Variants in C10orf67 observed in about 807,000 individuals in gnomAD.
C10orf67 encodes chromosome 10 open reading frame 67, also known as uncharacterized protein C10orf67, mitochondrial.
In C10orf67, 60 loss-of-function variants were observed where a neutral mutation model predicts 35.6. That is an observed-to-expected ratio of 1.68 (90% CI 1.37 to 2.09). The LOEUF (loss-of-function observed/expected upper bound fraction) is 2.09, where lower values mean the gene tolerates loss of function less well. Among genes scored for constraint, C10orf67 ranks in the 30% most tolerant of loss-of-function variants. C10orf67 has a pLI of 0.00. For missense variants in C10orf67, 474 were observed against 330.2 expected (o/e 1.44, Z -3.38); for synonymous variants, 167 against 115.8 (o/e 1.44, Z -2.84).
chr10:23,207,507 T>C (rs1364115372), intron 15 of C10orf67, among the ~76,000 whole-genome samples: 2 of 152,248 alleles, frequency 1.3e-5, no homozygotes, highest in African/African-American at 4.8e-5. Context: ...ATAGTTACCG[T>C]ATTCAGCCTT....
intron 1 of C10orf67, among the ~76,000 whole-genome samples, chr10:23,334,502 C>T (rs947018630): frequency 1.3e-5 from 2 of 152,214 alleles, no homozygotes; most frequent in African/African-American, 4.8e-5. Context: ...GAGAGCATAC[C>T]CCCATGCGGG....
intron 4 of C10orf67, among the ~76,000 whole-genome samples, chr10:23,306,547 A>G (rs1844290117): frequency 6.6e-6 from 1 of 151,802 alleles, no homozygotes; most frequent in South Asian, 2.1e-4. Context: ...AAAAAAAAAA[A>G]AAAAGAATGG....
At chr10:23,307,673 C>T (rs537297182) in intron 4 of C10orf67, among the ~76,000 whole-genome samples, 3 of 147,884 alleles carry the variant, frequency 2.0e-5, no homozygotes, top group East Asian at 2.0e-4. Flanking sequence ...GTGATGCAAT[C>T]GGCTCACTGC....
At chr10:23,266,800 T>C (rs1842892956) in intron 9 of C10orf67, among the ~76,000 whole-genome samples, 1 of 152,158 alleles carries the variant, frequency 6.6e-6, no homozygotes, top group African/African-American at 2.4e-5. Context: ...CAGGATGCAC[T>C]CCTCCTGATG....
At chr10:23,252,971 C>T (rs148442469) in intron 10 of C10orf67, among the ~76,000 whole-genome samples, 15 of 151,942 alleles carry the variant, frequency 9.9e-5, no homozygotes, top group African/African-American at 3.6e-4. Context: ...CTCAAGATAG[C>T]GAATGGGTCT....
At chr10:23,240,372 G>A (rs375387225) in intron 12 of C10orf67, among the ~76,000 whole-genome samples, 8 of 152,132 alleles carry the variant, frequency 5.3e-5, no homozygotes, top group African/African-American at 1.7e-4. Context: ...CTAGATCTAA[G>A]GCAATAAATG....
intron 1 of C10orf67, among the ~76,000 whole-genome samples, chr10:23,340,998 C>A (rs182771902): frequency 4.1e-4 from 63 of 152,304 alleles, no homozygotes; most frequent in African/African-American, 1.5e-3. Flanking sequence ...TCAATGAAGA[C>A]AACATTAGGT....
intron 1 of C10orf67, among the ~76,000 whole-genome samples, chr10:23,338,455 A>C (rs200410207): frequency 2.0e-5 from 3 of 152,178 alleles, no homozygotes; most frequent in Non-Finnish European, 4.4e-5. Context: ...TTCTTCCATC[A>C]TCCTCACCGG....
At chr10:23,289,155 G>T (rs1176757751) in intron 7 of C10orf67, among the ~76,000 whole-genome samples, 2 of 152,096 alleles carry the variant, frequency 1.3e-5, no homozygotes, top group African/African-American at 4.8e-5. Flanking sequence ...TGTTGTGGGG[G>T]TTGGTGGTGT....
At chr10:23,263,563 T>G (rs1303768740) in intron 10 of C10orf67, among the ~76,000 whole-genome samples, 2 of 152,212 alleles carry the variant, frequency 1.3e-5, no homozygotes, top group Non-Finnish European at 2.9e-5. Flanking sequence ...ACTCTAAGAA[T>G]GGGAACATGA....
chr10:23,223,857 G>C, intron 13 of C10orf67, 39 bp from the exon 14 acceptor site: 1 of 710,900 alleles, frequency 1.4e-6, no homozygotes, highest in Non-Finnish European at 2.6e-6. Flanking sequence ...TTATCAGGAG[G>C]AAATAATAGT....
intron 8 of C10orf67, among the ~76,000 whole-genome samples, chr10:23,278,912 G>A (rs1392181761): frequency 6.6e-6 from 1 of 152,152 alleles, no homozygotes; most frequent in Non-Finnish European, 1.5e-5. Flanking sequence ...ACCCTCAGGA[G>A]AGCTCTTCCT....
At chr10:23,324,270 T>C (rs1341279592) in intron 2 of C10orf67, among the ~76,000 whole-genome samples, 2 of 151,946 alleles carry the variant, frequency 1.3e-5, no homozygotes, top group Non-Finnish European at 2.9e-5. Flanking sequence ...TGTAGCTATA[T>C]CTTGACCTAA....
chr10:23,321,002 C>T (rs1023839077), intron 3 of C10orf67, among the ~76,000 whole-genome samples, 187 bp from the exon 4 acceptor site: 3 of 152,126 alleles, frequency 2.0e-5, no homozygotes, highest in Non-Finnish European at 2.9e-5. Context: ...TTATACTCAA[C>T]CAAAAGCAAT....
At chr10:23,221,526 G>T (rs1305236690) in intron 15 of C10orf67, among the ~76,000 whole-genome samples, 2 of 152,176 alleles carry the variant, frequency 1.3e-5, no homozygotes, top group Non-Finnish European at 2.9e-5. Flanking sequence ...TACTTTCGGA[G>T]CTTGGAATAA....
At chr10:23,316,929 AAGTTCT>A (rs142415717) in intron 4 of C10orf67, 101 of 152,332 alleles carry the variant, frequency 6.6e-4, no homozygotes, top group African/African-American at 2.4e-3. Flanking sequence ...AAAGCACCAT[AAGTTCT>A]CACTCCAGTC....
chr10:23,226,564 G>C (rs1328240149), intron 13 of C10orf67, among the ~76,000 whole-genome samples: 2 of 152,114 alleles, frequency 1.3e-5, no homozygotes, highest in East Asian at 3.8e-4. Flanking sequence ...TCAAAAGCTA[G>C]CAGAAGACAA....
chr10:23,267,404 G>A, intron 8 of C10orf67, 150 bp from the exon 9 acceptor site: 20 of 489,122 alleles, frequency 4.1e-5, no homozygotes, highest in African/African-American at 9.7e-5. Flanking sequence ...TAGTATCAAA[G>A]AAAAAACAAA....
intron 13 of C10orf67, among the ~76,000 whole-genome samples, chr10:23,233,701 G>C (rs1326548836): frequency 6.6e-6 from 1 of 152,166 alleles, no homozygotes; most frequent in African/African-American, 2.4e-5. Context: ...GGAATATATT[G>C]ATGAAATTAG....
Sources: allele counts gnomAD v4.1 joint callset (sites outside exome capture counted in the v4.1 genomes callset), GRCh38; gene constraint gnomAD v4.1.1; transcripts MANE v1.5; gene names NCBI Gene and HGNC (gene_info 2026-07-23, HGNC 2026-07-21).